Variants in MYO3B observed in about 807,000 individuals in gnomAD.
The protein encoded by MYO3B is myosin IIIB, also known as myosin-IIIb.
A neutral mutation model predicts 174.6 loss-of-function variants in MYO3B; 156 were observed. That is an observed-to-expected ratio of 0.89 (90% confidence interval 0.78 to 1.02). The LOEUF is 1.02. Among genes scored for constraint, MYO3B ranks in the 50% least tolerant of loss-of-function variants. The pLI, the probability that MYO3B is intolerant of heterozygous loss-of-function variation, is 0.00. For synonymous variants in MYO3B, 563 were observed against 569.1 expected (o/e 0.99, Z 0.15); for missense variants, 1,632 against 1,639.4 (o/e 1.00, Z 0.08).
At chr2:170,342,111 C>T (rs1470194152) in intron 8 of MYO3B, 1 of 152,158 alleles carries the variant, frequency 6.6e-6, no homozygotes, top group East Asian at 1.9e-4. Flanking sequence ...AGACTGTTGT[C>T]AGCATATCCT....
At chr2:170,314,283 T>C (rs951363017) in intron 7 of MYO3B, among the ~76,000 whole-genome samples, 15 of 152,226 alleles carry the variant, frequency 9.9e-5, no homozygotes, top group African/African-American at 3.4e-4. Context: ...CATTAATTCA[T>C]GTATATGTTC....
At chr2:170,622,933 T>C (rs549843680) in intron 32 of MYO3B, among the ~76,000 whole-genome samples, 1 of 152,330 alleles carries the variant, frequency 6.6e-6, no homozygotes, top group South Asian at 2.1e-4. Context: ...TAGTATTCCA[T>C]GGTGTATATA....
chr2:170,641,940 A>G lies in MYO3B; in HGVS notation c.3734-9688A>G, dbSNP rs1273286501. On this transcript the variant is annotated intron_variant, in intron 32 of 34. Transcript: ENST00000408978. ...TTTTTAGTTAAAAAAAAAAGAATAC[A>G]TATTCCTGTAAAGATATTGAAAGGA... Among the ~76,000 whole-genome samples, 3 of 151,162 alleles carry G rather than the reference A, an allele frequency of 2.0e-5. No homozygotes were observed. In the East Asian group the frequency reaches 5.8e-4, roughly 29 times the overall value.
chr2:170,245,179 G>T (rs373249650), intron 7 of MYO3B, among the ~76,000 whole-genome samples: 4 of 152,152 alleles, frequency 2.6e-5, no homozygotes, highest in Non-Finnish European at 5.9e-5. Flanking sequence ...AGGAAGGGGT[G>T]GTTGGTGTGC....
chr2:170,621,247 A>C (rs1695891919), intron 32 of MYO3B, among the ~76,000 whole-genome samples: 1 of 152,138 alleles, frequency 6.6e-6, no homozygotes, highest in South Asian at 2.1e-4. Flanking sequence ...ATATGTATAG[A>C]AACACTTGGA....
intron 8 of MYO3B, among the ~76,000 whole-genome samples, chr2:170,351,865 G>T (rs371062004): frequency 1.3e-5 from 2 of 152,172 alleles, no homozygotes; most frequent in Non-Finnish European, 1.5e-5. Context: ...GATAAAATAC[G>T]TAAAAACTAA....
intron 6 of MYO3B, among the ~76,000 whole-genome samples, chr2:170,218,784 T>C (rs1485612960): frequency 6.6e-6 from 1 of 152,044 alleles, no homozygotes. Flanking sequence ...TACTCCTCCT[T>C]CTCCCATTAT....
intron 7 of MYO3B, among the ~76,000 whole-genome samples, chr2:170,287,394 T>C (rs1443405353): frequency 2.1e-5 from 2 of 94,552 alleles, no homozygotes; most frequent in Non-Finnish European, 4.7e-5. Flanking sequence ...ACATCTGTTA[T>C]TGCCTTTTTT....
intron 32 of MYO3B, among the ~76,000 whole-genome samples, chr2:170,556,682 T>C (rs2106240836): frequency 6.6e-6 from 1 of 152,312 alleles, no homozygotes; most frequent in South Asian, 2.1e-4. Flanking sequence ...TCACCACGTC[T>C]GGCTAATTTT....
chr2:170,502,516 G>A (rs1447265316), intron 28 of MYO3B, among the ~76,000 whole-genome samples: 1 of 152,204 alleles, frequency 6.6e-6, no homozygotes, highest in Admixed American at 6.5e-5. Flanking sequence ...CAGCCTGAGA[G>A]GTGTAAGCTC....
chr2:170,331,412 G>A (rs557999106), intron 7 of MYO3B, among the ~76,000 whole-genome samples: 1 of 152,292 alleles, frequency 6.6e-6, no homozygotes, highest in South Asian at 2.1e-4. Context: ...GGACATTGGA[G>A]TAGTATGGGT....
At chr2:170,198,112 GT>G (rs10571296) in intron 1 of MYO3B, among the ~76,000 whole-genome samples, 50,813 of 142,644 alleles carry the variant, frequency 0.36, 9,773 homozygotes, top group Middle Eastern at 0.49. Flanking sequence ...TCTCCTTTGG[GT>G]TTTTTTTTTT....
In MYO3B at chr2:170,538,051, CAAAG is replaced by C. The variant is rs1453112618; in HGVS notation, c.3576-4851_3576-4848del. Among the ~76,000 whole-genome samples, 6 of 152,182 alleles carry C rather than the reference CAAAG, an allele frequency of 3.9e-5. No homozygotes were observed. In the East Asian group the frequency reaches 7.7e-4, roughly 20 times the overall value. ...TTTATCAAAATTAATAAAAAGTACA[CAAAG>C]AAACAAGTAAAATTTAGAAAATGGA... On this transcript the variant is annotated intron_variant, in intron 30 of 34. Coordinates refer to ENST00000408978, the MANE Select transcript of MYO3B (RefSeq NM_138995.5).
intron 1 of MYO3B, among the ~76,000 whole-genome samples, chr2:170,192,358 CA>C (rs1277540644): frequency 6.6e-6 from 1 of 150,762 alleles, no homozygotes; most frequent in Non-Finnish European, 1.5e-5. Flanking sequence ...TTTATAATTA[CA>C]AAAAATATTT....
rs937403728 is a variant in MYO3B, at chr2:170,575,459, T to G, written c.3733+31471T>G. Among the ~76,000 whole-genome samples the G allele has an allele frequency of 7.9e-5, 12 of 152,180 alleles. 1 individual carries two copies. The highest frequency in any genetic ancestry group is 7.2e-4 in the Admixed American group (11 of 15,282). On this transcript the variant is annotated intron_variant, in intron 32 of 34. Transcript: ENST00000408978. ...GGGTAAAAAAAGCATAGACAGTAGA[T>G]AAATAAACATGAATGTGGTTCCAGT...
intron 32 of MYO3B, among the ~76,000 whole-genome samples, chr2:170,583,673 C>A (rs1193449468): frequency 6.6e-6 from 1 of 152,084 alleles, no homozygotes; most frequent in Admixed American, 6.6e-5. Flanking sequence ...GTTTTTCACA[C>A]AATATTGTAT....
rs11435234 is a variant in MYO3B at position 170,241,130 on chromosome 2, G to GTT, written c.749+5004_749+5005dup. Among the ~76,000 whole-genome samples the GTT allele has an allele frequency of 8.4e-3, 1,233 of 146,104 alleles. 16 individuals are homozygous for GTT. The highest frequency in any genetic ancestry group is 0.027 in the African/African-American group (1,082 of 39,744). On this transcript the variant is annotated intron_variant, in intron 7 of 34. Transcript: ENST00000408978. ...TTTTTCTCTTCCCTTTTATTTATTT[G>GTT]TTTTTTTTTTTAGTAGGAAAAGCTC... is the stretch of plus-strand genomic sequence containing the variant.
At chr2:170,251,403 A>G (rs750383541) in intron 7 of MYO3B, among the ~76,000 whole-genome samples, 2 of 152,144 alleles carry the variant, frequency 1.3e-5, no homozygotes, top group Non-Finnish European at 2.9e-5. Flanking sequence ...AATGGTTTTT[A>G]TAGGTTGAAT....
intron 25 of MYO3B, among the ~76,000 whole-genome samples, chr2:170,484,901 T>C (rs1317511653): frequency 6.6e-6 from 1 of 152,182 alleles, no homozygotes; most frequent in Non-Finnish European, 1.5e-5. Context: ...GGGGTAATTA[T>C]CAGATTATCC....
Sources: allele counts gnomAD v4.1 joint callset (sites outside exome capture counted in the v4.1 genomes callset), GRCh38; gene constraint gnomAD v4.1.1; transcripts MANE v1.5; gene names NCBI Gene and HGNC (gene_info 2026-07-23, HGNC 2026-07-21).